Variants in SHB observed in about 807,000 individuals in gnomAD.
The protein encoded by SHB is SH2 domain-containing adapter protein B.
Under a neutral mutation model 52.3 loss-of-function variants are expected in SHB, and 20 were observed. The observed-to-expected ratio is 0.38, with a 90% confidence interval of 0.27 to 0.56. The LOEUF is 0.56. Among genes scored for constraint, SHB ranks in the 20% least tolerant of loss-of-function variants. The pLI is 0.71. For synonymous variants in SHB, 397 were observed against 316.5 expected (o/e 1.25, Z -2.70); for missense variants, 825 against 723.3 (o/e 1.14, Z -1.61).
At chr9:37,984,878 AGGGTGAGT>A (rs992301553) in intron 2 of SHB, among the ~76,000 whole-genome samples, 4 of 152,138 alleles carry the variant, frequency 2.6e-5, no homozygotes, top group African/African-American at 7.2e-5. Flanking sequence ...TCAGAGGCTG[AGGGTGAGT>A]GGCATGGAAG....
intron 1 of SHB, among the ~76,000 whole-genome samples, chr9:38,042,578 C>T (rs1438129004): frequency 1.3e-5 from 2 of 152,204 alleles, no homozygotes; most frequent in Non-Finnish European, 2.9e-5. Context: ...TTGCCTCCAC[C>T]TTCAGCTGGG....
chr9:38,026,260 T>C (rs1821341290), intron 1 of SHB, among the ~76,000 whole-genome samples: 1 of 152,234 alleles, frequency 6.6e-6, no homozygotes, highest in Non-Finnish European at 1.5e-5. Context: ...AGTCACCAAG[T>C]GCACCCTCTC....
chr9:37,975,929 T>C (rs1377972480), intron 2 of SHB, among the ~76,000 whole-genome samples: 2 of 152,190 alleles, frequency 1.3e-5, no homozygotes, highest in Non-Finnish European at 2.9e-5. Context: ...GGCTTCCTGG[T>C]GGTAGGACCA....
chr9:37,936,917 A>C (rs1052316394), intron 5 of SHB: 2 of 152,200 alleles, frequency 1.3e-5, no homozygotes, highest in African/African-American at 2.4e-5. Flanking sequence ...CCTTTCCTCT[A>C]ATCTCCAACT....
intron 2 of SHB, among the ~76,000 whole-genome samples, chr9:37,983,533 C>A (rs1460586129): frequency 1.3e-5 from 2 of 152,138 alleles, no homozygotes; most frequent in Non-Finnish European, 2.9e-5. Flanking sequence ...CGTGCAGGAG[C>A]CTTGCTGGAA....
intron 1 of SHB, among the ~76,000 whole-genome samples, chr9:38,031,278 G>A (rs141301619): frequency 1.1e-4 from 16 of 152,154 alleles, no homozygotes; most frequent in African/African-American, 3.1e-4. Flanking sequence ...CCGAGATCTC[G>A]CCACTGCACT....
At chr9:38,000,624 T>C (rs555791986) in intron 2 of SHB, among the ~76,000 whole-genome samples, 3 of 152,368 alleles carry the variant, frequency 2.0e-5, no homozygotes, top group African/African-American at 7.2e-5. Context: ...AACGCTGGGC[T>C]AACCTGTACA....
intron 1 of SHB, among the ~76,000 whole-genome samples, chr9:38,057,167 A>G (rs1821832357): frequency 6.6e-6 from 1 of 152,252 alleles, no homozygotes; most frequent in South Asian, 2.1e-4. Flanking sequence ...GAAAACGAGG[A>G]AAAGCCCAAC....
intron 5 of SHB, among the ~76,000 whole-genome samples, chr9:37,921,803 A>G (rs1468429909): frequency 6.6e-6 from 1 of 152,180 alleles, no homozygotes; most frequent in Non-Finnish European, 1.5e-5. Context: ...TCACCTACCC[A>G]CCACGCCGAA....
chr9:37,924,703 T>C (rs948090893), intron 5 of SHB, among the ~76,000 whole-genome samples: 2 of 152,212 alleles, frequency 1.3e-5, no homozygotes, highest in Non-Finnish European at 2.9e-5. Context: ...GAGCCCCTAC[T>C]GGGTACTGGG....
intron 5 of SHB, among the ~76,000 whole-genome samples, chr9:37,946,985 C>T (rs1832499568): frequency 6.6e-6 from 1 of 152,210 alleles, no homozygotes; most frequent in South Asian, 2.1e-4. Context: ...TTGATGGCCC[C>T]ATCAGCATGC....
chr9:38,057,164 A>T (rs938868345), intron 1 of SHB, among the ~76,000 whole-genome samples: 3 of 152,378 alleles, frequency 2.0e-5, no homozygotes, highest in African/African-American at 7.2e-5. Flanking sequence ...GGTGAAAACG[A>T]GGAAAAGCCC....
rs1167761430 is a variant in SHB, at chr9:38,069,060, T to A, written c.-415A>T. On this transcript the variant is annotated 5_prime_UTR_variant, in exon 1 of 6. Coordinates refer to ENST00000377707, the MANE Select transcript of SHB (RefSeq NM_003028.3). ...GATCCGCGGCTGCCGCGGGAACTTC[T>A]CGGCGTCCTCGGCTCCCTTCTTCCT... The A allele has an allele frequency of 1.3e-5, 2 of 151,354 alleles. No individual in the cohort carries two copies. The highest frequency in any genetic ancestry group is 2.9e-5 in the Non-Finnish European group (2 of 67,850). 9.4% of individuals were successfully genotyped at this position (151,354 alleles called of 1,614,324 possible).
intron 3 of SHB, 72 bp downstream of exon 3, chr9:37,974,550 G>GC: frequency 7.7e-7 from 1 of 1,304,326 alleles, no homozygotes; most frequent in Non-Finnish European, 1.1e-6. Context: ...TGTCCTGAGC[G>GC]CAGGTGGGGA....
rs1401045707 is a variant in SHB at position 38,068,144 on chromosome 9, G to A, written c.502C>T (p.Arg168Trp). 4.2e-6 allele frequency: 6 copies of A among 1,438,824 alleles called. No homozygotes were observed. Among genetic ancestry groups the A allele is most frequent in the Non-Finnish European group, 5.4e-6 (6 of 1,108,480 alleles). The allele number at this position is 1,438,824 out of a possible 1,614,324, so 89.1% of individuals were successfully genotyped here. The change falls in exon 1 of 6, where the codon CGG becomes TGG. Residue 168 changes from arginine to tryptophan, a missense_variant. Coordinates refer to ENST00000377707, the MANE Select transcript of SHB (RefSeq NM_003028.3). ...ACCTCGGCCGGCGTGGCGGGCCGCCGCTCGCTGCTGCTGCGGTAGAGATGC... is the reference window on the plus strand; with the variant it reads ...ACCTCGGCCGGCGTGGCGGGCCGCCACTCGCTGCTGCTGCGGTAGAGATGC... The part of the protein sequence containing the change: ...SPHLYRSSSE[R>W]RPATPAEVRY...
intron 3 of SHB, among the ~76,000 whole-genome samples, chr9:37,957,827 T>C (rs1832652824): frequency 1.3e-5 from 2 of 152,006 alleles, no homozygotes; most frequent in South Asian, 4.2e-4. Flanking sequence ...TCTCCAAAGG[T>C]GACATCTGAA....
chr9:37,993,993 C>T (rs896114680), intron 2 of SHB, among the ~76,000 whole-genome samples: 1 of 152,274 alleles, frequency 6.6e-6, no homozygotes, highest in East Asian at 1.9e-4. Context: ...CTGGCCCCAG[C>T]TGCTGCTGGG....
chr9:37,972,497 T>C (rs949664747), intron 3 of SHB, among the ~76,000 whole-genome samples: 7 of 152,334 alleles, frequency 4.6e-5, no homozygotes, highest in African/African-American at 1.7e-4. Flanking sequence ...CCTCACAGCC[T>C]GGCAGGCAAG....
At chr9:38,029,330 T>C (rs532820946) in intron 1 of SHB, among the ~76,000 whole-genome samples, 199 of 152,318 alleles carry the variant, frequency 1.3e-3, no homozygotes, top group African/African-American at 4.5e-3. Flanking sequence ...TACAACAGTA[T>C]AGACAAGCAA....
Sources: gnomAD v4.1 joint callset for allele counts (sites outside exome capture counted in the v4.1 genomes callset) on GRCh38, gnomAD v4.1.1 for gene constraint, MANE v1.5 for transcripts, NCBI Gene and HGNC (gene_info 2026-07-23, HGNC 2026-07-21) for gene names.